Variants in NALF1 observed in about 807,000 individuals in gnomAD.
NALF1 encodes family with sequence similarity 155 member A.
NALF1 carries 3 observed loss-of-function variants against 48.4 expected under a neutral mutation model. The ratio of observed to expected loss-of-function variants is 0.06; its 90% CI spans 0.03 to 0.16. NALF1 has a LOEUF of 0.16. NALF1 is among the 10% of genes least tolerant of loss of function. NALF1 has a pLI of 1.00. For missense variants in NALF1, 526 were observed against 571.5 expected, an observed-to-expected ratio of 0.92 and a Z score of 0.81; for synonymous variants, 262 against 245.7, an observed-to-expected ratio of 1.07 and a Z score of -0.62.
intron 1 of NALF1, among the ~76,000 whole-genome samples, chr13:107,595,261 T>C (rs1198227380): frequency 1.3e-5 from 2 of 152,156 alleles, no homozygotes; most frequent in African/African-American, 4.8e-5. Flanking sequence ...TTGGAGTCTA[T>C]CTAATCTACC....
intron 1 of NALF1, among the ~76,000 whole-genome samples, chr13:107,290,361 C>A (rs919282570): frequency 6.6e-6 from 1 of 152,110 alleles, no homozygotes; most frequent in African/African-American, 2.4e-5. Flanking sequence ...TGCATCCCCA[C>A]CCAAATCTCA....
At chr13:107,834,391 C>A (rs1025001405) in intron 1 of NALF1, among the ~76,000 whole-genome samples, 6 of 152,126 alleles carry the variant, frequency 3.9e-5, no homozygotes, top group Non-Finnish European at 8.8e-5. Flanking sequence ...GAATTTTTAA[C>A]GTTTTTTATA....
intron 1 of NALF1, among the ~76,000 whole-genome samples, chr13:107,376,336 G>T (rs1319853586): frequency 6.6e-6 from 1 of 152,000 alleles, no homozygotes; most frequent in Non-Finnish European, 1.5e-5. Context: ...TAGGTGTGTG[G>T]GATTAAGAAG....
At chr13:107,529,661 T>G (rs1876561532) in intron 1 of NALF1, among the ~76,000 whole-genome samples, 1 of 152,134 alleles carries the variant, frequency 6.6e-6, no homozygotes, top group South Asian at 2.1e-4. Context: ...TTCACCAGCT[T>G]GGCTCCCATT....
At position 107,549,984 on chromosome 13, in the gene NALF1, T is replaced by C. The variant is rs141645465; in HGVS notation, c.915+315698A>G. On this transcript the variant is annotated intron_variant, in intron 1 of 2. Transcript: ENST00000375915. The stretch of plus-strand genomic sequence containing the variant: ...TGACCTTGGCATTTTTTAAGAAAGA[T>C]AGACCATTAAATTTTTAGAAACTAT... Among the ~76,000 whole-genome samples the C allele has an allele frequency of 5.3e-5, 8 of 152,254 alleles. 1 individual carries two copies. Among genetic ancestry groups the C allele is most frequent in the Non-Finnish European group, 2.9e-5 (2 of 68,004 alleles).
intron 1 of NALF1, among the ~76,000 whole-genome samples, chr13:107,681,393 G>A (rs1268270403): frequency 6.6e-6 from 1 of 152,054 alleles, no homozygotes; most frequent in Non-Finnish European, 1.5e-5. Flanking sequence ...GTGGAGCTGG[G>A]GCTGGAGGAC....
chr13:107,628,398 C>T (rs1309067993), intron 1 of NALF1, among the ~76,000 whole-genome samples: 2 of 152,004 alleles, frequency 1.3e-5, no homozygotes, highest in Admixed American at 1.3e-4. Context: ...CACTAGGGTA[C>T]CCCTTTATCT....
At chr13:107,175,168 C>T (rs1172235994) in intron 2 of NALF1, among the ~76,000 whole-genome samples, 1 of 151,664 alleles carries the variant, frequency 6.6e-6, no homozygotes, top group African/African-American at 2.4e-5. Context: ...GGATTACAGG[C>T]GTGAGCCATC....
chr13:107,506,133 C>T (rs1875689769), intron 1 of NALF1, among the ~76,000 whole-genome samples: 1 of 152,046 alleles, frequency 6.6e-6, no homozygotes, highest in African/African-American at 2.4e-5. Flanking sequence ...AATACCTTAT[C>T]ACTCAAAATA....
intron 1 of NALF1, among the ~76,000 whole-genome samples, chr13:107,588,561 G>A (rs1250330515): frequency 2.6e-5 from 4 of 152,086 alleles, no homozygotes; most frequent in Non-Finnish European, 5.9e-5. Flanking sequence ...GCATTTCATT[G>A]TTTTGATGAA....
intron 1 of NALF1, among the ~76,000 whole-genome samples, chr13:107,608,640 G>A (rs1318348066): frequency 6.6e-6 from 1 of 152,148 alleles, no homozygotes; most frequent in Admixed American, 6.5e-5. Flanking sequence ...AGAAGTGTAA[G>A]CAACGGTTGC....
chr13:107,336,652 A>T (rs1882563292), intron 1 of NALF1, among the ~76,000 whole-genome samples: 1 of 152,100 alleles, frequency 6.6e-6, no homozygotes. Flanking sequence ...TATTAATGGG[A>T]TCTGAATGTT....
intron 1 of NALF1, among the ~76,000 whole-genome samples, chr13:107,433,537 G>A (rs1261502699): frequency 2.0e-5 from 3 of 151,840 alleles, no homozygotes; most frequent in Non-Finnish European, 4.4e-5. Context: ...CTTCTAACCT[G>A]CACATTGTGC....
Position 107,866,023 on chromosome 13 carries a change from C to T in NALF1, c.574G>A (p.Ala192Thr), listed in dbSNP as rs368179057. 2.5e-6 allele frequency: 4 copies of T among 1,611,890 alleles called. No homozygotes were observed. The highest frequency in any genetic ancestry group is 2.2e-5 in the East Asian group (1 of 44,882). The change falls in exon 1 of 3, where the codon GCC becomes ACC. Residue 192 changes from alanine to threonine, a missense_variant. By Grantham distance (58) the Ala-to-Thr change is moderately conservative. This residue lies in a region of NALF1 where 373 missense variants were observed against 355.5 expected (regional missense o/e 1.05). Transcript: ENST00000375915. The surrounding 1 kb of genome is among the most constrained non-coding windows in gnomAD (Gnocchi z 4.4). Reference sequence around the variant, plus strand: ...GCCGCCCCCCGACTCCAGTTCCTGGCGCACACCGCGTCCGCATTCTCCACC... The same window carrying T: ...GCCGCCCCCCGACTCCAGTTCCTGGTGCACACCGCGTCCGCATTCTCCACC... ...FTVENADAVCARNWSRGAAGG... is the reference protein window; with the variant it reads ...FTVENADAVCTRNWSRGAAGG...
intron 1 of NALF1, among the ~76,000 whole-genome samples, chr13:107,543,960 C>T (rs377766537): frequency 2.0e-5 from 3 of 151,970 alleles, no homozygotes; most frequent in East Asian, 1.9e-4. Flanking sequence ...ATATTTTTAT[C>T]ATCAATTCTA....
chr13:107,214,903 G>A (rs1184490971), intron 1 of NALF1, among the ~76,000 whole-genome samples: 1 of 152,132 alleles, frequency 6.6e-6, no homozygotes, highest in African/African-American at 2.4e-5. Context: ...TTACAAATAA[G>A]GAAACGTATA....
intron 1 of NALF1, among the ~76,000 whole-genome samples, chr13:107,316,383 C>G (rs1004987796): frequency 6.6e-6 from 1 of 152,122 alleles, no homozygotes; most frequent in Non-Finnish European, 1.5e-5. Flanking sequence ...TTTATAGCAG[C>G]ATGATTTATA....
chr13:107,825,683 C>T (rs557614066), intron 1 of NALF1, among the ~76,000 whole-genome samples: 3 of 152,330 alleles, frequency 2.0e-5, no homozygotes, highest in Non-Finnish European at 4.4e-5. Context: ...CCATGAAAAT[C>T]TGTGAAAAGA....
At chr13:107,847,376 G>A (rs1190524844) in intron 1 of NALF1, among the ~76,000 whole-genome samples, 1 of 152,124 alleles carries the variant, frequency 6.6e-6, no homozygotes, top group Non-Finnish European at 1.5e-5. Flanking sequence ...AGTCTTTAAG[G>A]TGGGCCTCTG....
Sources: allele counts gnomAD v4.1 joint callset (sites outside exome capture counted in the v4.1 genomes callset), GRCh38; gene constraint gnomAD v4.1.1; regional missense constraint gnomAD v4.1.1; non-coding constraint Gnocchi (gnomAD v3.1); transcripts MANE v1.5; gene names NCBI Gene and HGNC (gene_info 2026-07-23, HGNC 2026-07-21).